RASAL2: variants seen among roughly 807,000 people sequenced by gnomAD.
RASAL2 encodes RAS protein activator like 2, also known as ras GTPase-activating protein nGAP.
A neutral mutation model predicts 128.9 loss-of-function variants in RASAL2; 58 were observed. That is an observed-to-expected ratio of 0.45 (90% confidence interval 0.36 to 0.56). The LOEUF is 0.56. Ranked by LOEUF, RASAL2 falls within the 20% of genes least tolerant of loss-of-function variation. RASAL2 has a pLI of 0.00. For synonymous variants in RASAL2, 561 were observed against 580.8 expected, an observed-to-expected ratio of 0.97 and a Z score of 0.49; for missense variants, 1,360 against 1,601.6, an observed-to-expected ratio of 0.85 and a Z score of 2.57.
intron 3 of RASAL2, among the ~76,000 whole-genome samples, chr1:178,342,802 G>T (rs1023207068): frequency 5.9e-5 from 9 of 152,092 alleles, no homozygotes; most frequent in African/African-American, 2.2e-4. Flanking sequence ...CAGCTATTTT[G>T]ACCAGTTGCT....
intron 4 of RASAL2, among the ~76,000 whole-genome samples, chr1:178,399,466 G>A (rs1673474521): frequency 6.6e-6 from 1 of 152,178 alleles, no homozygotes; most frequent in Non-Finnish European, 1.5e-5. Flanking sequence ...AGGAAGGGAA[G>A]AAGCATCAGC....
chr1:178,341,569 T>A (rs781611818), intron 3 of RASAL2: 1 of 1,613,904 alleles, frequency 6.2e-7, no homozygotes, highest in East Asian at 2.2e-5. Context: ...GGAAAGATCA[T>A]GTTAGCACAC....
At chr1:178,155,602 C>T (rs12060261) in intron 1 of RASAL2, among the ~76,000 whole-genome samples, 5,323 of 151,406 alleles carry the variant, frequency 0.035, 279 homozygotes, top group African/African-American at 0.12. Context: ...TCTTTTGTGA[C>T]GTAGGAGACA....
chr1:178,460,222 C>G (rs1678082598), intron 14 of RASAL2, among the ~76,000 whole-genome samples: 1 of 152,136 alleles, frequency 6.6e-6, no homozygotes, highest in South Asian at 2.1e-4. Context: ...CAGAGAGGGA[C>G]AGGACAGGGA....
At chr1:178,467,903 T>G (rs1232487881) in intron 17 of RASAL2, among the ~76,000 whole-genome samples, 1 of 152,228 alleles carries the variant, frequency 6.6e-6, no homozygotes, top group Non-Finnish European at 1.5e-5. Flanking sequence ...CTTGTTGTTC[T>G]TTTGGTTTAG....
At chr1:178,428,840 A>G (rs1675699049) in intron 5 of RASAL2, among the ~76,000 whole-genome samples, 1 of 152,100 alleles carries the variant, frequency 6.6e-6, no homozygotes, top group Non-Finnish European at 1.5e-5. Context: ...GCCTTTGGAG[A>G]AGAAAGTATG....
At chr1:178,309,812 T>G (rs1445886843) in intron 3 of RASAL2, among the ~76,000 whole-genome samples, 2 of 152,154 alleles carry the variant, frequency 1.3e-5, no homozygotes, top group Non-Finnish European at 2.9e-5. Context: ...AATCCTAAAG[T>G]TTCCTTGTGG....
intron 3 of RASAL2, among the ~76,000 whole-genome samples, chr1:178,371,253 T>C (rs1671681137): frequency 6.6e-6 from 1 of 151,730 alleles, no homozygotes; most frequent in African/African-American, 2.4e-5. Flanking sequence ...ACAGTCATTC[T>C]CTATGTTGAT....
At chr1:178,162,390 ATATAT>A (rs1558088763) in intron 1 of RASAL2, among the ~76,000 whole-genome samples, 1 of 116,386 alleles carries the variant, frequency 8.6e-6, no homozygotes, top group African/African-American at 3.3e-5. Context: ...TATATATTAT[ATATAT>A]TATATATTTT....
At chr1:178,226,540 A>G (rs1211823759) in intron 1 of RASAL2, among the ~76,000 whole-genome samples, 1 of 152,216 alleles carries the variant, frequency 6.6e-6, no homozygotes, top group East Asian at 1.9e-4. Flanking sequence ...ACTTGCTTTG[A>G]AAACACAGAT....
chr1:178,193,126 A>G (rs1338769120), intron 1 of RASAL2, among the ~76,000 whole-genome samples: 1 of 152,192 alleles, frequency 6.6e-6, no homozygotes, highest in Non-Finnish European at 1.5e-5. Context: ...TCATCCCAAA[A>G]TTTTCAGGTT....
chr1:178,285,103 C>CTTT lies in RASAL2; in HGVS notation c.330+1438_330+1440dup, dbSNP rs58901015. ...GTATTTTAATAGGCATTGCTACTTT[C>CTTT]TTTTTTTTTTTTTTTTTTTTTTTTT... On this transcript the variant is annotated intron_variant, in intron 2 of 17. Transcript: ENST00000367649. Among the ~76,000 whole-genome samples the CTTT allele has an allele frequency of 1.8e-3, 144 of 81,940 alleles. 16 individuals are homozygous for CTTT. The highest frequency in any genetic ancestry group is 6.9e-3 in the African/African-American group (114 of 16,460). 53.8% of individuals were successfully genotyped at this position (81,940 alleles called of 152,430 possible).
chr1:178,206,503 A>G (rs1663051669), intron 1 of RASAL2, among the ~76,000 whole-genome samples: 1 of 152,226 alleles, frequency 6.6e-6, no homozygotes, highest in Non-Finnish European at 1.5e-5. Context: ...AGGTTAAGTG[A>G]CAAGCCAAAA....
chr1:178,146,726 T>G (rs1660742993), intron 1 of RASAL2, among the ~76,000 whole-genome samples: 1 of 152,254 alleles, frequency 6.6e-6, no homozygotes, highest in Non-Finnish European at 1.5e-5. Flanking sequence ...AAGGGAATGT[T>G]ATGAATGGAC....
intron 1 of RASAL2, among the ~76,000 whole-genome samples, chr1:178,275,813 T>C (rs1666482288): frequency 6.6e-6 from 1 of 152,188 alleles, no homozygotes; most frequent in Non-Finnish European, 1.5e-5. Flanking sequence ...CTCCTTCTCT[T>C]AACAAGGGTG....
chr1:178,363,130 A>ATGTT (rs1671215563), intron 3 of RASAL2, among the ~76,000 whole-genome samples: 1 of 152,158 alleles, frequency 6.6e-6, no homozygotes, highest in South Asian at 2.1e-4. Flanking sequence ...TTCCACCAAC[A>ATGTT]GTGTACAAGG....
intron 1 of RASAL2, among the ~76,000 whole-genome samples, chr1:178,212,214 T>C (rs986610586): frequency 6.6e-6 from 1 of 152,214 alleles, no homozygotes; most frequent in African/African-American, 2.4e-5. Context: ...AATAAAAACT[T>C]CAGCTAGTTC....
At chr1:178,349,035 G>A (rs370403400) in intron 3 of RASAL2, among the ~76,000 whole-genome samples, 18 of 151,060 alleles carry the variant, frequency 1.2e-4, no homozygotes, top group African/African-American at 3.6e-4. Flanking sequence ...TCCTGACCTC[G>A]TGATCCACCT....
At chr1:178,455,320 T>G (rs1370526269) in intron 12 of RASAL2, among the ~76,000 whole-genome samples, 3 of 152,232 alleles carry the variant, frequency 2.0e-5, no homozygotes, top group Non-Finnish European at 4.4e-5. Flanking sequence ...TTGGCTAGGC[T>G]TATTACAATA....
Sources: gnomAD v4.1 joint callset for allele counts (sites outside exome capture counted in the v4.1 genomes callset) on GRCh38, gnomAD v4.1.1 for gene constraint, MANE v1.5 for transcripts, NCBI Gene and HGNC (gene_info 2026-07-23, HGNC 2026-07-21) for gene names.